The following RANBP2 variants were observed in gnomAD, a reference collection of about 807,000 sequenced individuals.
The protein encoded by RANBP2 is RAN binding protein 2, also known as E3 SUMO-protein ligase RanBP2.
In RANBP2, 57 loss-of-function variants were observed where a neutral mutation model predicts 303.6. The ratio of observed to expected loss-of-function variants is 0.19; its 90% CI spans 0.15 to 0.23. The LOEUF (loss-of-function observed/expected upper bound fraction) is 0.23, where lower values mean the gene tolerates loss of function less well. Ranked by LOEUF, RANBP2 falls within the 10% of genes least tolerant of loss-of-function variation. The pLI is 1.00. For synonymous variants in RANBP2, 1,167 were observed against 1,301.5 expected, an observed-to-expected ratio of 0.90 and a Z score of 2.23; for missense variants, 3,138 against 3,780.8, an observed-to-expected ratio of 0.83 and a Z score of 4.46.
the RANBP2 span, among the ~76,000 whole-genome samples, chr2:109,006,190 C>A: frequency 6.6e-6 from 1 of 151,844 alleles, no homozygotes; most frequent in Non-Finnish European, 1.5e-5. Context: ...TTTTCTTTTT[C>A]TTTTTCTTTT....
At chr2:109,350,163 C>A in the RANBP2 span, among the ~76,000 whole-genome samples, 1 of 152,216 alleles carries the variant, frequency 6.6e-6, no homozygotes, top group Non-Finnish European at 1.5e-5. Context: ...GGCTTAGACT[C>A]ATTCTGCGGT....
chr2:109,193,346 G>A, the RANBP2 span, among the ~76,000 whole-genome samples: 1 of 152,176 alleles, frequency 6.6e-6, no homozygotes, highest in African/African-American at 2.4e-5. Flanking sequence ...CAATTCAGTG[G>A]TTTTAGTATA....
chr2:109,710,560 G>A, the RANBP2 span, among the ~76,000 whole-genome samples: 2 of 152,200 alleles, frequency 1.3e-5, no homozygotes, highest in African/African-American at 2.4e-5. Context: ...TCACCTCTGC[G>A]AGGTGCCAAA....
chr2:108,774,823 A>G (rs1677762963), intron 23 of RANBP2, among the ~76,000 whole-genome samples: 2 of 151,200 alleles, frequency 1.3e-5, no homozygotes, highest in Non-Finnish European at 2.9e-5. Context: ...CTCATGTCTC[A>G]GCCACCCGAG....
the RANBP2 span, among the ~76,000 whole-genome samples, chr2:108,911,274 C>T: frequency 6.6e-6 from 1 of 152,138 alleles, no homozygotes; most frequent in African/African-American, 2.4e-5. Context: ...CACAGCCCTG[C>T]TCGCTGCCCT....
the RANBP2 span, among the ~76,000 whole-genome samples, chr2:109,392,358 G>A: frequency 6.6e-6 from 1 of 152,182 alleles, no homozygotes; most frequent in Non-Finnish European, 1.5e-5. Context: ...GTGTAACTTG[G>A]AACAGGTCAC....
the RANBP2 span, among the ~76,000 whole-genome samples, chr2:109,094,229 G>C: frequency 6.6e-6 from 1 of 152,252 alleles, no homozygotes; most frequent in East Asian, 1.9e-4. Context: ...TTACATAATG[G>C]GCTGATTGGC....
intron 5 of RANBP2, 146 bp downstream of exon 5, chr2:108,735,908 T>A (rs1695542752): frequency 3.3e-6 from 5 of 1,509,364 alleles, no homozygotes; most frequent in Middle Eastern, 4.8e-4. Flanking sequence ...CCAGGATCAG[T>A]TAAATTTATA....
the RANBP2 span, among the ~76,000 whole-genome samples, chr2:109,195,492 G>A: frequency 6.6e-6 from 1 of 152,220 alleles, no homozygotes; most frequent in African/African-American, 2.4e-5. Context: ...ATAAAGAGCT[G>A]TAGGCTTTAT....
At chr2:108,833,852 C>T in the RANBP2 span, among the ~76,000 whole-genome samples, 32 of 148,958 alleles carry the variant, frequency 2.1e-4, 1 homozygote, top group Non-Finnish European at 4.0e-4. Flanking sequence ...CTCAGCCTCC[C>T]GAGTAGCTGG....
the RANBP2 span, among the ~76,000 whole-genome samples, chr2:109,450,396 C>T: frequency 1.9e-4 from 29 of 151,988 alleles, no homozygotes; most frequent in Admixed American, 6.6e-4. Context: ...AAACTTGTTC[C>T]GGTTGCCACC....
the RANBP2 span, among the ~76,000 whole-genome samples, chr2:109,554,153 C>A: frequency 6.6e-6 from 1 of 151,944 alleles, no homozygotes; most frequent in African/African-American, 2.4e-5. Flanking sequence ...AATTAATTAC[C>A]CAATTTTTGG....
chr2:109,493,345 G>A, the RANBP2 span, among the ~76,000 whole-genome samples: 40,373 of 146,334 alleles, frequency 0.28, 5,664 homozygotes, highest in East Asian at 0.51. Flanking sequence ...CCCCACATAC[G>A]TCATACAAAC....
At chr2:108,733,765 G>A (rs1340731464) in intron 4 of RANBP2, among the ~76,000 whole-genome samples, 1 of 151,920 alleles carries the variant, frequency 6.6e-6, no homozygotes, top group Non-Finnish European at 1.5e-5. Context: ...TTCTTGCAGT[G>A]TAACAAGTTA....
At chr2:109,108,297 C>T in the RANBP2 span, among the ~76,000 whole-genome samples, 1 of 152,318 alleles carries the variant, frequency 6.6e-6, no homozygotes, top group East Asian at 1.9e-4. Flanking sequence ...CCTCAGCCTC[C>T]CAAAGTGCTG....
chr2:109,466,072 C>CTTTTT, the RANBP2 span, among the ~76,000 whole-genome samples: 295 of 82,394 alleles, frequency 3.6e-3, no homozygotes, highest in East Asian at 5.4e-3. Context: ...ACCTGTACAT[C>CTTTTT]TTTTTTTTTT....
the RANBP2 span, among the ~76,000 whole-genome samples, chr2:109,151,049 G>T: frequency 6.6e-6 from 1 of 152,164 alleles, no homozygotes; most frequent in East Asian, 1.9e-4. Flanking sequence ...AGGCTTTTAT[G>T]GATAATATTG....
chr2:109,074,367 C>CAA, the RANBP2 span, among the ~76,000 whole-genome samples: 1 of 143,910 alleles, frequency 6.9e-6, no homozygotes, highest in African/African-American at 2.5e-5. Flanking sequence ...GACTCTGTCT[C>CAA]AAAAAAAAAA....
At chr2:108,799,674 T>C in the RANBP2 span, among the ~76,000 whole-genome samples, 2 of 152,216 alleles carry the variant, frequency 1.3e-5, no homozygotes, top group South Asian at 2.1e-4. Flanking sequence ...TTTCTGTCTT[T>C]GGCCAAATTT....
Sources: allele counts gnomAD v4.1 joint callset (sites outside exome capture counted in the v4.1 genomes callset), GRCh38; gene constraint gnomAD v4.1.1; transcripts MANE v1.5; gene names NCBI Gene and HGNC (gene_info 2026-07-23, HGNC 2026-07-21).